The following PXN variants were observed in gnomAD, a reference collection of about 807,000 sequenced individuals.
PXN encodes the protein testicular tissue protein Li 134.
Under a neutral mutation model 103.6 loss-of-function variants are expected in PXN, and 61 were observed. The ratio of observed to expected loss-of-function variants is 0.59; its 90% CI spans 0.48 to 0.73. The LOEUF (loss-of-function observed/expected upper bound fraction) is 0.73, where lower values mean the gene tolerates loss of function less well. Among genes scored for constraint, PXN ranks in the 30% least tolerant of loss-of-function variants. PXN has a pLI of 0.00. For synonymous variants in PXN, 562 were observed against 607.8 expected (o/e 0.92, Z 1.11); for missense variants, 1,274 against 1,460.3 (o/e 0.87, Z 2.08).
intron 1 of PXN, among the ~76,000 whole-genome samples, chr12:120,261,394 T>C (rs1016875760): frequency 2.0e-5 from 3 of 152,108 alleles, no homozygotes; most frequent in Admixed American, 6.6e-5. Context: ...TTTCACCACA[T>C]TGGCCAGGCT....
At chr12:120,237,807 A>C (rs1001305846) in intron 1 of PXN, among the ~76,000 whole-genome samples, 2 of 152,168 alleles carry the variant, frequency 1.3e-5, no homozygotes, top group African/African-American at 4.8e-5. Context: ...CCCCACAGAG[A>C]GTTGGCACCT....
intron 1 of PXN, among the ~76,000 whole-genome samples, chr12:120,250,712 T>G (rs1351815804): frequency 2.0e-5 from 3 of 152,058 alleles, no homozygotes; most frequent in Admixed American, 6.6e-5. Flanking sequence ...GTGTGGCCAT[T>G]TCACCTCCAC....
chr12:120,222,675 A>G lies in PXN; in HGVS notation c.569T>C (p.Leu190Ser). 6.2e-7 allele frequency: 1 copy of G among 1,609,036 alleles called. No individual in the cohort carries two copies. The highest frequency in any genetic ancestry group is 8.5e-7 in the Non-Finnish European group (1 of 1,177,896). The change falls in exon 5 of 15, where the codon TTG (leucine) becomes TCG (serine). Residue 190 changes from leucine (L) to serine (S), a missense_variant. Coordinates refer to ENST00000637617, the MANE Select transcript of PXN (RefSeq NM_001385981.1). The surrounding 1 kb of genome is among the most constrained non-coding windows in gnomAD (Gnocchi z 4.7). Reference sequence around the variant, plus strand: ...CGTCAGGGGCCCAGCTTTGCCTCCCAAGGGGCTGTTAGTCTCTGGGACACC... The same window carrying G: ...CGTCAGGGGCCCAGCTTTGCCTCCCGAGGGGCTGTTAGTCTCTGGGACACC... ...LYGVPETNSP[L>S]GGKAGPLTKE...
chr12:120,246,244 A>G (rs749819136), intron 1 of PXN, among the ~76,000 whole-genome samples: 4 of 150,910 alleles, frequency 2.7e-5, no homozygotes, highest in Non-Finnish European at 5.9e-5. Context: ...ATAAAAAATT[A>G]GGCTGGGCAC....
chr12:120,212,376 T>C lies in PXN; in HGVS notation c.3184A>G (p.Thr1062Ala). The C allele has an allele frequency of 6.2e-7, 1 of 1,613,992 alleles. No homozygotes were observed. Among genetic ancestry groups the C allele is most frequent in the Non-Finnish European group, 8.5e-7 (1 of 1,179,884 alleles). ...GGCTTGTCGTTCTGCTCCTTGAAGG[T>C]GCCCTTGTTGAGCTGCTTGAGGCAG... ...AFCLKQLNKG[T>A]FKEQNDKPYC... The change falls in exon 15 of 15, where the codon ACC (threonine) becomes GCC (alanine). Residue 1062 changes from threonine (T) to alanine (A), a missense_variant. Physicochemically the swap from Thr to Ala is moderately conservative, Grantham distance 58 (BLOSUM62 0). Coordinates refer to ENST00000637617, the MANE Select transcript of PXN (RefSeq NM_001385981.1). The surrounding 1 kb of genome is among the most constrained non-coding windows in gnomAD (Gnocchi z 7.2).
In PXN at chr12:120,222,762, G is replaced by A. The variant is rs971196978; in HGVS notation, c.494-12C>T. ...TGAGTTGGCCTCATCTTGCAGAGAG[G>A]AGAGAAAAAGGCTGCTCAGCCCTTG... On this transcript the variant is annotated splice_polypyrimidine_tract_variant and intron_variant, in intron 4 of 14. Transcript: ENST00000637617. This position sits in a 1 kb window ranked among gnomAD's most constrained non-coding sequence, Gnocchi z 4.7. 1 of 1,601,524 alleles carries A rather than the reference G, an allele frequency of 6.2e-7. No individual in the cohort carries two copies. Among genetic ancestry groups the A allele is most frequent in the Admixed American group, 1.7e-5 (1 of 57,600 alleles).
intron 1 of PXN, among the ~76,000 whole-genome samples, chr12:120,258,669 A>G (rs543274270): frequency 6.6e-6 from 1 of 152,338 alleles, no homozygotes; most frequent in East Asian, 1.9e-4. Context: ...TCTCACTTAG[A>G]TTGAATGGCT....
Position 120,222,733 on chromosome 12 carries a change from G to T in PXN, c.511C>A (p.Pro171Thr). 6.2e-7 allele frequency: 1 copy of T among 1,606,844 alleles called. No individual in the cohort carries two copies. ...GFPADEANSS[P>T]PLPGALSPLY... ...GGGCTCAGGGCCCCAGGAAGCGGGGGGCTTGAGTTGGCCTCATCTTGCAGA... is the reference window on the plus strand; with the variant it reads ...GGGCTCAGGGCCCCAGGAAGCGGGGTGCTTGAGTTGGCCTCATCTTGCAGA... Residue 171 changes from proline (P) to threonine (T), a missense_variant, in exon 5 of 15, where the codon CCC (proline) becomes ACC (threonine). Transcript: ENST00000637617. The surrounding 1 kb of genome is among the most constrained non-coding windows in gnomAD (Gnocchi z 4.7).
In PXN at chr12:120,210,520, A is replaced by G. The variant is rs1879903510; in HGVS notation, c.*1794T>C. 6.6e-6 allele frequency: 1 copy of G among 152,262 alleles called. No individual in the cohort carries two copies. The highest frequency in any genetic ancestry group is 1.5e-5 in the Non-Finnish European group (1 of 68,062). 9.4% of individuals were successfully genotyped at this position (152,262 alleles called of 1,614,324 possible). On this transcript the variant is annotated 3_prime_UTR_variant, in exon 15 of 15. Transcript: ENST00000637617. The stretch of plus-strand genomic sequence containing the variant: ...GGGAAAAGCCAGCTTGGAAGTTTAC[A>G]GAGAAAAAATAAAATCAAAATCAAA...
chr12:120,246,279 C>A (rs1394157133), intron 1 of PXN, among the ~76,000 whole-genome samples: 1 of 152,062 alleles, frequency 6.6e-6, no homozygotes, highest in Non-Finnish European at 1.5e-5. Flanking sequence ...TTAATCCCAG[C>A]ACTTTGGGAG....
rs1191805069 is a variant in PXN at position 120,219,101 on chromosome 12, C to T, written c.1716+106G>A. On this transcript the variant is annotated intron_variant, in intron 7 of 14. Coordinates refer to ENST00000637617, the MANE Select transcript of PXN (RefSeq NM_001385981.1). This position sits in a 1 kb window ranked among gnomAD's most constrained non-coding sequence, Gnocchi z 6.5. ...CCACAGTGTCTCAGCATTTTCTGCC[C>T]AAGCAGACATGCGCAGAGTGGGAGG... 1.9e-5 allele frequency: 24 copies of T among 1,243,038 alleles called. No individual in the cohort carries two copies. Among genetic ancestry groups the T allele is most frequent in the Middle Eastern group, 5.6e-4 (2 of 3,546 alleles). 77.0% of individuals were successfully genotyped at this position (1,243,038 alleles called of 1,614,324 possible).
In PXN at chr12:120,219,586, G is replaced by C. The variant is rs1466271944; in HGVS notation, c.1337C>G (p.Pro446Arg). ...EQPWASEVFG[P>R]ERMPPSGAAR... ...AGCTCCAGAGGGGGGCATTCTCTCA[G>C]GCCCGAATACCTCCGAAGCCCATGG... Residue 446 changes from proline to arginine, a missense_variant, in exon 7 of 15, where the codon CCT (proline) becomes CGT (arginine). Physicochemically the swap from Pro to Arg is moderately radical, Grantham distance 103 (BLOSUM62 -2). Around this residue, in one of 2 missense-constraint regions of PXN, gnomAD observed 1,178 missense variants for 1,309.0 expected, o/e 0.90. Coordinates refer to ENST00000637617, the MANE Select transcript of PXN (RefSeq NM_001385981.1). This position sits in a 1 kb window ranked among gnomAD's most constrained non-coding sequence, Gnocchi z 6.5. 1 of 1,568,116 alleles carries C rather than the reference G, an allele frequency of 6.4e-7. No individual in the cohort carries two copies. The highest frequency in any genetic ancestry group is 1.3e-5 in the African/African-American group (1 of 74,174).
At chr12:120,245,591 T>A (rs552447743) in intron 1 of PXN, among the ~76,000 whole-genome samples, 6 of 151,708 alleles carry the variant, frequency 4.0e-5, no homozygotes, top group African/African-American at 1.5e-4. Flanking sequence ...ATCAAGACCA[T>A]CCTGGCTAAC....
At position 120,241,576 on chromosome 12, in the gene PXN, G is replaced by A. The variant is rs369826893; in HGVS notation, c.14-17199C>T. Among the ~76,000 whole-genome samples, 13 of 152,344 alleles carry A rather than the reference G, an allele frequency of 8.5e-5. No individual in the cohort carries two copies. In the East Asian group the frequency reaches 1.3e-3, roughly 16 times the overall value. The stretch of plus-strand genomic sequence containing the variant: ...GGGCAAATATACAATGCCTGTCTCC[G>A]GGGAGCACTGACTAGTGGGAGACTG... On this transcript the variant is annotated intron_variant, in intron 1 of 14. Coordinates refer to ENST00000637617, the MANE Select transcript of PXN (RefSeq NM_001385981.1).
At chr12:120,259,365 C>T (rs552675754) in intron 1 of PXN, among the ~76,000 whole-genome samples, 32 of 152,190 alleles carry the variant, frequency 2.1e-4, no homozygotes, top group African/African-American at 7.7e-4. Flanking sequence ...GCACTCCAGC[C>T]TGGGTGACAG....
At position 120,216,725 on chromosome 12, in the gene PXN, G is replaced by C; in HGVS notation, c.1992+116C>G. The C allele has an allele frequency of 1.3e-6, 2 of 1,594,796 alleles. No individual in the cohort carries two copies. Among genetic ancestry groups the C allele is most frequent in the Non-Finnish European group, 1.7e-6 (2 of 1,178,590 alleles). On this transcript the variant is annotated intron_variant, in intron 8 of 14. Transcript: ENST00000637617. The surrounding 1 kb of genome is among the most constrained non-coding windows in gnomAD (Gnocchi z 5.1). ...AGTCTTCCAAAGTCACAGGAGGCAA[G>C]AAACCCCCACCCTCTCCCCAGATCT...
intron 1 of PXN, among the ~76,000 whole-genome samples, chr12:120,245,048 G>T (rs1236270140): frequency 6.6e-6 from 1 of 151,794 alleles, no homozygotes; most frequent in African/African-American, 2.4e-5. Flanking sequence ...TTGGGGCCTG[G>T]GACTGGGTGA....
chr12:120,238,948 C>T (rs1016611037), intron 1 of PXN, among the ~76,000 whole-genome samples: 1 of 152,236 alleles, frequency 6.6e-6, no homozygotes, highest in Non-Finnish European at 1.5e-5. Context: ...CTTCTGCCCC[C>T]TAACTACTGT....
In PXN at chr12:120,212,242, T is replaced by C; in HGVS notation, c.*72A>G. On this transcript the variant is annotated 3_prime_UTR_variant, in exon 15 of 15. Transcript: ENST00000637617. The surrounding 1 kb of genome is among the most constrained non-coding windows in gnomAD (Gnocchi z 7.2). ...TCGGGTTTACCCCTTCACCCCCGGG[T>C]GAAGTCTCTAGGTCACAGTCGCAGT... The C allele has an allele frequency of 3.2e-6, 5 of 1,555,716 alleles. No homozygotes were observed. The highest frequency in any genetic ancestry group is 4.3e-6 in the Non-Finnish European group (5 of 1,151,906).
Sources: gnomAD v4.1 joint callset for allele counts (sites outside exome capture counted in the v4.1 genomes callset) on GRCh38, gnomAD v4.1.1 for gene constraint, gnomAD v4.1.1 regional missense constraint, Gnocchi (gnomAD v3.1) non-coding constraint, MANE v1.5 for transcripts, NCBI Gene and HGNC (gene_info 2026-07-23, HGNC 2026-07-21) for gene names.